The following CCDC167 variants were observed in gnomAD, a reference collection of about 807,000 sequenced individuals.
CCDC167 encodes the protein coiled-coil domain containing 167, also known as coiled-coil domain-containing protein 167.
CCDC167 carries 15 observed loss-of-function variants against 12.7 expected under a neutral mutation model. That is an observed-to-expected ratio of 1.18 (90% confidence interval 0.79 to 1.81). The LOEUF (loss-of-function observed/expected upper bound fraction) is 1.81. CCDC167 is among the 40% of genes most tolerant of loss of function. The pLI, the probability that CCDC167 is intolerant of heterozygous loss-of-function variation, is 0.00. For synonymous variants in CCDC167, 52 were observed against 49.0 expected (o/e 1.06, Z -0.26); for missense variants, 121 against 120.1 (o/e 1.01, Z -0.03).
At chr6:37,484,778 CT>C (rs1342341464) in intron 3 of CCDC167, 31 bp downstream of exon 3, 4 of 1,613,810 alleles carry the variant, frequency 2.5e-6, no homozygotes, top group Non-Finnish European at 3.4e-6. Flanking sequence ...GGACTGGAGG[CT>C]GGGGCTGGTA....
At chr6:37,486,581 C>A (rs965605633) in intron 1 of CCDC167, among the ~76,000 whole-genome samples, 10 of 152,222 alleles carry the variant, frequency 6.6e-5, no homozygotes, top group African/African-American at 2.4e-4. Context: ...TGCCCTGCAG[C>A]CCCACCATGG....
In CCDC167 at chr6:37,484,425, C is replaced by T. The variant is rs527243909; in HGVS notation, c.190+385G>A. ...CCTTGCCGTACCCAAGTGGGAGGTT[C>T]GGCTTCCTTCACCCCTCACTTCCCA... On this transcript the variant is annotated intron_variant, in intron 3 of 3. Coordinates refer to ENST00000373408, the MANE Select transcript of CCDC167 (RefSeq NM_138493.3). Among the ~76,000 whole-genome samples, 34 of 131,730 alleles carry T rather than the reference C, an allele frequency of 2.6e-4. No homozygotes were observed. In the South Asian group the frequency reaches 2.7e-3, roughly 10 times the overall value. 86.4% of individuals were successfully genotyped at this position (131,730 alleles called of 152,430 possible).
chr6:37,497,322 T>C (rs773981795), intron 1 of CCDC167, among the ~76,000 whole-genome samples: 4 of 152,224 alleles, frequency 2.6e-5, no homozygotes, highest in Non-Finnish European at 4.4e-5. Context: ...TTTGCAACCT[T>C]GTTTCATGTG....
rs571026332 is a variant in CCDC167, at chr6:37,492,067, G to A, written c.43-6873C>T. Among the ~76,000 whole-genome samples the A allele has an allele frequency of 2.6e-5, 4 of 152,324 alleles. No individual in the cohort carries two copies. In the South Asian group the frequency reaches 8.3e-4, roughly 32 times the overall value. The stretch of plus-strand genomic sequence containing the variant: ...TCCTGTGTCTGCAACCGCCCTGCAA[G>A]GAAGGGCCCATCTCCATCTTACAGA... On this transcript the variant is annotated intron_variant, in intron 1 of 3. Coordinates refer to ENST00000373408, the MANE Select transcript of CCDC167 (RefSeq NM_138493.3).
intron 1 of CCDC167, among the ~76,000 whole-genome samples, chr6:37,487,815 C>T (rs563138845): frequency 6.6e-6 from 1 of 152,320 alleles, no homozygotes; most frequent in African/African-American, 2.4e-5. Flanking sequence ...TCTGAACAAG[C>T]CCAATTTATC....
chr6:37,487,481 A>T (rs1478122897), intron 1 of CCDC167, among the ~76,000 whole-genome samples: 1 of 152,206 alleles, frequency 6.6e-6, no homozygotes, highest in Non-Finnish European at 1.5e-5. Flanking sequence ...AGGAGAAGCA[A>T]CTAGACATGC....
chr6:37,497,835 C>T (rs886646621), intron 1 of CCDC167, among the ~76,000 whole-genome samples: 1 of 151,702 alleles, frequency 6.6e-6, no homozygotes, highest in Non-Finnish European at 1.5e-5. Context: ...CCAGCCTGGG[C>T]GAGAGTGAGA....
At chr6:37,499,558 G>A (rs58351141) in intron 1 of CCDC167, among the ~76,000 whole-genome samples, 17,348 of 151,696 alleles carry the variant, frequency 0.11, 1,062 homozygotes, top group South Asian at 0.16. Flanking sequence ...GCCGTCTTTG[G>A]GGCTCCCCTT....
chr6:37,485,276 A>T, intron 1 of CCDC167, 82 bp from the exon 2 acceptor site: 2 of 1,074,290 alleles, frequency 1.9e-6, no homozygotes, highest in South Asian at 2.6e-5. Flanking sequence ...GGCCTCCGGG[A>T]GTCTTCTTGG....
At chr6:37,495,459 C>T (rs1015007944) in intron 1 of CCDC167, among the ~76,000 whole-genome samples, 33 of 152,226 alleles carry the variant, frequency 2.2e-4, no homozygotes, top group African/African-American at 7.5e-4. Flanking sequence ...CTTCCTCCCA[C>T]ACAACATTAA....
At chr6:37,484,030 G>A (rs1761906480) in intron 3 of CCDC167, among the ~76,000 whole-genome samples, 1 of 152,232 alleles carries the variant, frequency 6.6e-6, no homozygotes, top group Admixed American at 6.5e-5. Context: ...AGTGGGAAGA[G>A]ACACCTGCAG....
At chr6:37,488,397 A>G (rs1168075883) in intron 1 of CCDC167, among the ~76,000 whole-genome samples, 1 of 152,214 alleles carries the variant, frequency 6.6e-6, no homozygotes, top group Non-Finnish European at 1.5e-5. Context: ...CACACGGATT[A>G]TGCACTTTGC....
intron 1 of CCDC167, 26 bp downstream of exon 1, chr6:37,499,796 G>A (rs1340683270): frequency 5.0e-6 from 8 of 1,612,882 alleles, no homozygotes; most frequent in South Asian, 1.1e-5. Context: ...CTAACGAGGT[G>A]GCCCAACCCC....
intron 1 of CCDC167, among the ~76,000 whole-genome samples, chr6:37,499,411 C>G (rs922666822): frequency 1.3e-5 from 2 of 152,168 alleles, no homozygotes; most frequent in African/African-American, 4.8e-5. Context: ...AATGGGCTCC[C>G]TCATCTTTGA....
chr6:37,493,616 G>A (rs745482177), intron 1 of CCDC167, among the ~76,000 whole-genome samples: 3 of 152,338 alleles, frequency 2.0e-5, no homozygotes, highest in Admixed American at 6.5e-5. Flanking sequence ...AATGGTCAGC[G>A]GCCCCTGAAC....
At position 37,493,325 on chromosome 6, in the gene CCDC167, C is replaced by T. The variant is rs116421801; in HGVS notation, c.42+6497G>A. Among the ~76,000 whole-genome samples, 1,194 of 152,334 alleles carry T rather than the reference C, an allele frequency of 7.8e-3. 7 individuals are homozygous for T. The highest frequency in any genetic ancestry group is 0.012 in the Non-Finnish European group (841 of 68,024). ...GGGGTTTGTTTTGTCTTCTTTCCCC[C>T]CGATATCTATTTTTTGATAAACTAG... is the stretch of plus-strand genomic sequence containing the variant. On this transcript the variant is annotated intron_variant, in intron 1 of 3. Transcript: ENST00000373408.
chr6:37,490,440 G>A (rs894723323), intron 1 of CCDC167, among the ~76,000 whole-genome samples: 3 of 152,162 alleles, frequency 2.0e-5, no homozygotes, highest in Non-Finnish European at 4.4e-5. Flanking sequence ...CAGGTAGACA[G>A]GTGGGAAAGG....
At chr6:37,488,226 G>C (rs900581794) in intron 1 of CCDC167, among the ~76,000 whole-genome samples, 11 of 152,248 alleles carry the variant, frequency 7.2e-5, no homozygotes, top group Non-Finnish European at 1.5e-4. Context: ...AGGGAGGGAA[G>C]GTAGGTCCAG....
chr6:37,495,223 C>T (rs1329720308), intron 1 of CCDC167, among the ~76,000 whole-genome samples: 1 of 152,176 alleles, frequency 6.6e-6, no homozygotes, highest in Non-Finnish European at 1.5e-5. Context: ...GGGTCAGATC[C>T]AACCAAGTTA....
Sources: allele counts gnomAD v4.1 joint callset (sites outside exome capture counted in the v4.1 genomes callset), GRCh38; gene constraint gnomAD v4.1.1; transcripts MANE v1.5; gene names NCBI Gene and HGNC (gene_info 2026-07-23, HGNC 2026-07-21).